RHBDF2: variants seen among roughly 807,000 people sequenced by gnomAD.
The protein encoded by RHBDF2 is inactive rhomboid protein 2.
A neutral mutation model predicts 95.2 loss-of-function variants in RHBDF2; 38 were observed. That is an observed-to-expected ratio of 0.40 (90% CI 0.31 to 0.52). The LOEUF (loss-of-function observed/expected upper bound fraction) is 0.52. RHBDF2 is among the 20% of genes least tolerant of loss of function. The pLI, the probability that RHBDF2 is intolerant of heterozygous loss-of-function variation, is 0.56. For synonymous variants in RHBDF2, 442 were observed against 462.0 expected, an observed-to-expected ratio of 0.96 and a Z score of 0.55; for missense variants, 863 against 1,137.7, an observed-to-expected ratio of 0.76 and a Z score of 3.47.
chr17:76,478,723 G>A, intron 6 of RHBDF2, 83 bp downstream of exon 6: 1 of 1,179,578 alleles, frequency 8.5e-7, no homozygotes, highest in Non-Finnish European at 1.2e-6. Context: ...AGCTTTAGGG[G>A]ATGCTACTAT....
In RHBDF2 at chr17:76,479,096, A is replaced by T. The variant is rs762067425; in HGVS notation, c.454T>A (p.Cys152Ser). Residue 152 changes from cysteine (C) to serine (S), a missense_variant, in exon 5 of 19, where the codon TGC (cysteine) becomes AGC (serine). By Grantham distance (112) the Cys-to-Ser change is moderately radical (BLOSUM62 -1). Around this residue, in one of 2 missense-constraint regions of RHBDF2, gnomAD observed 611 missense variants for 725.5 expected, o/e 0.84. Coordinates refer to ENST00000675367, the MANE Select transcript of RHBDF2 (RefSeq NM_001005498.4). ...ATGGATCCCACCTTGGGCATCTTGC[A>T]GGGCTTTGGGGACTCAGTGCCCTGG... is the stretch of plus-strand genomic sequence containing the variant. ...SFQGTESPKP[C>S]KMPKIVDPLA... is the part of the protein sequence containing the mutation. 1 of 1,613,620 alleles carries T rather than the reference A, an allele frequency of 6.2e-7. No homozygotes were observed. The highest frequency in any genetic ancestry group is 1.7e-5 in the Admixed American group (1 of 60,024).
chr17:76,485,720 C>T (rs1444299353), intron 2 of RHBDF2, among the ~76,000 whole-genome samples: 1 of 152,316 alleles, frequency 6.6e-6, no homozygotes, highest in Non-Finnish European at 1.5e-5. Flanking sequence ...CACAAGCGCC[C>T]GTCAGCAGAT....
chr17:76,481,680 C>A, intron 2 of RHBDF2, 135 bp from the exon 3 acceptor site: 4 of 757,826 alleles, frequency 5.3e-6, no homozygotes, highest in South Asian at 3.9e-5. Context: ...GGCGGCTGGG[C>A]GCGGTGGCTC....
At chr17:76,472,863 G>GCGGCCTTCAGCCAGGCAC (rs774490254) in intron 17 of RHBDF2, 24 bp from the exon 18 acceptor site, 1 of 1,575,968 alleles carries the variant, frequency 6.3e-7, no homozygotes, top group East Asian at 2.3e-5. Flanking sequence ...ACACCAGGCA[G>GCGGCCTTCAGCCAGGCAC]CGGCCTTCAG....
At chr17:76,496,810 G>A (rs2144461764) in intron 1 of RHBDF2, among the ~76,000 whole-genome samples, 1 of 152,230 alleles carries the variant, frequency 6.6e-6, no homozygotes, top group South Asian at 2.1e-4. Context: ...TGCCCAGGCT[G>A]GAGTGCAGTA....
intron 4 of RHBDF2, 58 bp from the exon 5 acceptor site, chr17:76,479,335 G>A (rs750156384): frequency 3.2e-6 from 5 of 1,544,248 alleles, no homozygotes; most frequent in Admixed American, 1.9e-5. Flanking sequence ...GTGCACCTGA[G>A]TGTGTGGAAG....
rs201989863 is a variant in RHBDF2 at position 76,473,832 on chromosome 17, C to T, written c.1638+7G>A. 1,312 of 1,614,028 alleles carry T rather than the reference C, an allele frequency of 8.1e-4. 20 individuals are homozygous for T. In the South Asian group the frequency reaches 0.011, roughly 13 times the overall value. On this transcript the variant is annotated splice_region_variant and intron_variant, in intron 14 of 18. Coordinates refer to ENST00000675367, the MANE Select transcript of RHBDF2 (RefSeq NM_001005498.4). ...TTCCCAGACCACTCCCCGCCAGGGA[C>T]ACTCACCGGCCACTTAGTGATGTCA... is the stretch of plus-strand genomic sequence containing the variant.
Position 76,473,749 on chromosome 17 carries a change from G to A in RHBDF2, c.1639-7C>T. On this transcript the variant is annotated splice_region_variant and splice_polypyrimidine_tract_variant and intron_variant, in intron 14 of 18. Transcript: ENST00000675367. ...TGGCCTGCTCTGTGCAGATCTGCCA[G>A]GAGGGGGCACCGGCAGGGAAGTGGG... 4 of 1,612,264 alleles carry A rather than the reference G, an allele frequency of 2.5e-6. No homozygotes were observed. The highest frequency in any genetic ancestry group is 3.4e-6 in the Non-Finnish European group (4 of 1,179,258).
chr17:76,482,752 GAC>G (rs2074008609), intron 2 of RHBDF2, among the ~76,000 whole-genome samples: 1 of 151,520 alleles, frequency 6.6e-6, no homozygotes, highest in African/African-American at 2.4e-5. Context: ...CAGCCTGGGC[GAC>G]AGAGTGAGAA....
At chr17:76,479,664 A>G (rs1201589552) in intron 4 of RHBDF2, 69 bp downstream of exon 4, 1 of 1,243,784 alleles carries the variant, frequency 8.0e-7, no homozygotes, top group East Asian at 2.3e-5. Context: ...AGGCCCAATC[A>G]TGTCCAGGCC....
intron 1 of RHBDF2, among the ~76,000 whole-genome samples, chr17:76,490,920 C>G (rs9902916): frequency 0.28 from 42,439 of 152,070 alleles, 6,531 homozygotes; most frequent in Middle Eastern, 0.38. Flanking sequence ...ATGTAGGAGT[C>G]CCCTACCCAA....
chr17:76,498,858 CTGTG>C (rs1333634366), intron 1 of RHBDF2, among the ~76,000 whole-genome samples: 1 of 127,976 alleles, frequency 7.8e-6, no homozygotes, highest in Non-Finnish European at 1.8e-5. Context: ...GTGTGTGTCT[CTGTG>C]TGTCTGTTTG....
At chr17:76,481,994 C>CACACAA (rs2073985191) in intron 2 of RHBDF2, 1 of 108,208 alleles carries the variant, frequency 9.2e-6, no homozygotes, top group Admixed American at 8.6e-5. Context: ...CACACACACA[C>CACACAA]ACACACACAA....
rs777054992 is a variant in RHBDF2, at chr17:76,481,519, G to A, written c.6C>T (p.Ala2=). The change falls in exon 3 of 19, where the codon GCC becomes GCT. Residue 2 remains alanine, a synonymous_variant. Transcript: ENST00000675367. M[A]SADKNGGSVS... is the part of the protein sequence containing the mutation. ...CGCTCCCGCCATTCTTGTCAGCAGA[G>A]GCCATTGTGGGCAGGAGGCGGGAGG... is the stretch of plus-strand genomic sequence containing the variant. 1 of 1,608,966 alleles carries A rather than the reference G, an allele frequency of 6.2e-7. No individual in the cohort carries two copies. The highest frequency in any genetic ancestry group is 1.7e-5 in the Admixed American group (1 of 59,980).
At chr17:76,491,191 CCTCCCCACTAGA>C (rs567928752) in intron 1 of RHBDF2, among the ~76,000 whole-genome samples, 1,634 of 152,094 alleles carry the variant, frequency 0.011, 21 homozygotes, top group Middle Eastern at 0.027. Context: ...GTCTAGTGGA[CCTCCCCACTAGA>C]CTCCCCACTA....
At position 76,474,134 on chromosome 17, in the gene RHBDF2, C is replaced by T; in HGVS notation, c.1473G>A (p.Leu491=). 2.5e-6 allele frequency: 4 copies of T among 1,582,082 alleles called. No individual in the cohort carries two copies. Among genetic ancestry groups the T allele is most frequent in the Non-Finnish European group, 2.6e-6 (3 of 1,166,458 alleles). Residue 491 remains leucine, a synonymous_variant, in exon 13 of 19, where the codon TTG becomes TTA. Coordinates refer to ENST00000675367, the MANE Select transcript of RHBDF2 (RefSeq NM_001005498.4). ...QTQRKDCSET[L]ATFVKWQDDT... is the part of the protein sequence containing the mutation. The stretch of plus-strand genomic sequence containing the variant: ...CATCCTGCCACTTGACAAAAGTGGC[C>T]AAAGTCTCCTGGAGGGCAGAAGAAG...
intron 1 of RHBDF2, among the ~76,000 whole-genome samples, chr17:76,492,383 C>G (rs2074324909): frequency 6.6e-6 from 1 of 152,198 alleles, no homozygotes; most frequent in Non-Finnish European, 1.5e-5. Flanking sequence ...AACACAGACT[C>G]AGACACCATT....
In RHBDF2 at chr17:76,477,831, C is replaced by T. The variant is rs755837306; in HGVS notation, c.673-46G>A. On this transcript the variant is annotated intron_variant, in intron 6 of 18. Coordinates refer to ENST00000675367, the MANE Select transcript of RHBDF2 (RefSeq NM_001005498.4). ...AGCCATCAGGACCACAGCCTGGCCA[C>T]CTAGGCCCCCAGCCCCAACACCGAA... The T allele has an allele frequency of 1.3e-5, 20 of 1,594,552 alleles. 1 individual carries two copies. The highest frequency in any genetic ancestry group is 1.9e-4 in the Middle Eastern group (1 of 5,326).
chr17:76,490,773 C>T (rs2074275444), intron 1 of RHBDF2, among the ~76,000 whole-genome samples: 1 of 152,232 alleles, frequency 6.6e-6, no homozygotes, highest in Non-Finnish European at 1.5e-5. Context: ...CTCCTCTCAT[C>T]TGAAGCGCTG....
Sources: gnomAD v4.1 joint callset for allele counts (sites outside exome capture counted in the v4.1 genomes callset) on GRCh38, gnomAD v4.1.1 for gene constraint, gnomAD v4.1.1 regional missense constraint, MANE v1.5 for transcripts, NCBI Gene and HGNC (gene_info 2026-07-23, HGNC 2026-07-21) for gene names.